The following CLNK variants were observed in gnomAD, a reference collection of about 807,000 sequenced individuals.
CLNK encodes cytokine-dependent hematopoietic cell linker.
CLNK carries 74 observed loss-of-function variants against 68.6 expected under a neutral mutation model. That is an observed-to-expected ratio of 1.08 (90% CI 0.89 to 1.31). The LOEUF is 1.31. Ranked by LOEUF, CLNK falls within the 50% of genes most tolerant of loss-of-function variation. The pLI, the probability that CLNK is intolerant of heterozygous loss-of-function variation, is 0.00. For synonymous variants in CLNK, 198 were observed against 172.2 expected (o/e 1.15, Z -1.17); for missense variants, 553 against 515.3 (o/e 1.07, Z -0.71).
At chr4:10,631,674 C>G (rs1722896220) in intron 2 of CLNK, among the ~76,000 whole-genome samples, 1 of 152,098 alleles carries the variant, frequency 6.6e-6, no homozygotes, top group African/African-American at 2.4e-5. Context: ...AGCCTCATTA[C>G]CAAGTAACCA....
chr4:10,516,853 G>T (rs529392858), intron 15 of CLNK, among the ~76,000 whole-genome samples: 1 of 152,288 alleles, frequency 6.6e-6, no homozygotes, highest in South Asian at 2.1e-4. Flanking sequence ...GCCTGGCCAG[G>T]ATTGTAGCTT....
At chr4:10,721,010 A>T in the CLNK span, among the ~76,000 whole-genome samples, 4 of 152,236 alleles carry the variant, frequency 2.6e-5, no homozygotes, top group Non-Finnish European at 4.4e-5. Flanking sequence ...TTGTTAATAC[A>T]TACACAACTT....
chr4:10,675,904 A>T (rs1402666331), intron 1 of CLNK, among the ~76,000 whole-genome samples: 1 of 152,206 alleles, frequency 6.6e-6, no homozygotes, highest in Non-Finnish European at 1.5e-5. Context: ...TTAAAACAGG[A>T]AAAAAGGAAA....
intron 2 of CLNK, among the ~76,000 whole-genome samples, chr4:10,644,540 T>C (rs560603745): frequency 6.6e-6 from 1 of 152,236 alleles, no homozygotes; most frequent in South Asian, 2.1e-4. Flanking sequence ...GCTCAGGTGG[T>C]CTACACTGTG....
chr4:10,704,127 G>C, the CLNK span, among the ~76,000 whole-genome samples: 1 of 152,098 alleles, frequency 6.6e-6, no homozygotes, highest in East Asian at 1.9e-4. Flanking sequence ...ATGGTAAGTA[G>C]CTAAAGAAGG....
the CLNK span, among the ~76,000 whole-genome samples, chr4:10,692,720 G>A: frequency 1.2e-4 from 19 of 152,304 alleles, no homozygotes; most frequent in East Asian, 2.3e-3. Context: ...CAGCCACATA[G>A]TAGGTGCTCA....
At chr4:10,719,886 A>G in the CLNK span, among the ~76,000 whole-genome samples, 1 of 152,212 alleles carries the variant, frequency 6.6e-6, no homozygotes, top group Non-Finnish European at 1.5e-5. Flanking sequence ...ATCAAACTGG[A>G]AATCAGTAAC....
At chr4:10,579,527 T>C (rs1720700940) in intron 4 of CLNK, among the ~76,000 whole-genome samples, 1 of 152,112 alleles carries the variant, frequency 6.6e-6, no homozygotes, top group East Asian at 1.9e-4. Context: ...AGCAGAAAAA[T>C]TCCTATTACT....
At chr4:10,562,575 T>G (rs2108821135) in intron 7 of CLNK, among the ~76,000 whole-genome samples, 1 of 152,204 alleles carries the variant, frequency 6.6e-6, no homozygotes, top group Non-Finnish European at 1.5e-5. Flanking sequence ...CCGGCTAATT[T>G]TTCTATTTTT....
chr4:10,651,669 G>A (rs536997768), intron 2 of CLNK, among the ~76,000 whole-genome samples: 1 of 152,022 alleles, frequency 6.6e-6, no homozygotes, highest in Admixed American at 6.6e-5. Context: ...ATATTTAAAA[G>A]TATTGACTGT....
chr4:10,629,844 C>T (rs1455744905), intron 2 of CLNK, among the ~76,000 whole-genome samples: 1 of 152,184 alleles, frequency 6.6e-6, no homozygotes, highest in Non-Finnish European at 1.5e-5. Context: ...CAGCCACAGT[C>T]TCTCTCAAGT....
intron 3 of CLNK, among the ~76,000 whole-genome samples, chr4:10,585,381 C>A (rs571494003): frequency 2.0e-4 from 30 of 152,360 alleles, no homozygotes; most frequent in African/African-American, 6.5e-4. Context: ...ATAGTTGTGG[C>A]AATCACCGAG....
chr4:10,647,057 T>C (rs1227250435), intron 2 of CLNK, among the ~76,000 whole-genome samples: 1 of 152,206 alleles, frequency 6.6e-6, no homozygotes, highest in Admixed American at 6.5e-5. Context: ...GTCATTTGTG[T>C]GCCTTCCAGA....
chr4:10,733,502 G>A, the CLNK span, among the ~76,000 whole-genome samples: 1 of 152,170 alleles, frequency 6.6e-6, no homozygotes, highest in Non-Finnish European at 1.5e-5. Context: ...ATAAAATGGG[G>A]ACTTTTTTTC....
intron 11 of CLNK, among the ~76,000 whole-genome samples, chr4:10,535,267 A>AAAG (rs1249333693): frequency 1.2e-5 from 1 of 82,678 alleles, no homozygotes; most frequent in Non-Finnish European, 2.9e-5. Flanking sequence ...AAGAAAGAAA[A>AAAG]AATGGAAAGC....
chr4:10,669,681 A>G (rs1448067039), intron 1 of CLNK, among the ~76,000 whole-genome samples: 1 of 152,190 alleles, frequency 6.6e-6, no homozygotes. Context: ...CATACTCATA[A>G]CCCATACTAA....
intron 2 of CLNK, among the ~76,000 whole-genome samples, chr4:10,657,787 C>T (rs1371739455): frequency 1.6e-4 from 25 of 152,220 alleles, no homozygotes; most frequent in Admixed American, 1.6e-3. Context: ...GGCCTTTATT[C>T]TCCTTCTGAT....
chr4:10,683,800 G>A (rs529824698), intron 1 of CLNK, among the ~76,000 whole-genome samples: 3 of 152,212 alleles, frequency 2.0e-5, no homozygotes, highest in Middle Eastern at 6.8e-3. Flanking sequence ...TGGTGGTTTG[G>A]GAGGCCCCTG....
chr4:10,508,353 G>A (rs977395428), intron 16 of CLNK, among the ~76,000 whole-genome samples: 1 of 152,120 alleles, frequency 6.6e-6, no homozygotes, highest in African/African-American at 2.4e-5. Flanking sequence ...CAGCTGCTGA[G>A]GCTTGTTGAG....
Sources: gnomAD v4.1 joint callset for allele counts (sites outside exome capture counted in the v4.1 genomes callset) on GRCh38, gnomAD v4.1.1 for gene constraint, MANE v1.5 for transcripts, NCBI Gene and HGNC (gene_info 2026-07-23, HGNC 2026-07-21) for gene names.